The following RAC1 variants were observed in gnomAD, a reference collection of about 807,000 sequenced individuals.
RAC1 encodes the protein Rac family small GTPase 1.
RAC1 carries 2 observed loss-of-function variants against 25.2 expected under a neutral mutation model. The ratio of observed to expected loss-of-function variants is 0.08; its 90% CI spans 0.03 to 0.25. The LOEUF is 0.25. Ranked by LOEUF, RAC1 falls within the 10% of genes least tolerant of loss-of-function variation. The probability of loss-of-function intolerance (pLI) is 1.00; values close to 1 mark genes in which losing one functional copy is unlikely to be tolerated. For synonymous variants in RAC1, 88 were observed against 94.0 expected, an observed-to-expected ratio of 0.94 and a Z score of 0.37; for missense variants, 50 against 235.7, an observed-to-expected ratio of 0.21 and a Z score of 5.16.
Position 6,394,929 on chromosome 7 carries a change from A to T in RAC1, c.225+2888A>T, listed in dbSNP as rs185821478. Among the ~76,000 whole-genome samples, 1,400 of 152,184 alleles carry T rather than the reference A, an allele frequency of 9.2e-3. 9 individuals are homozygous for T. The highest frequency in any genetic ancestry group is 0.016 in the Non-Finnish European group (1,056 of 67,998). On this transcript the variant is annotated intron_variant, in intron 3 of 5. Coordinates refer to ENST00000348035, the MANE Select transcript of RAC1 (RefSeq NM_006908.5). Reference sequence around the variant, plus strand: ...GAGTGCAATGGTGCGATCTTGGCTCACTGCAAGCTTCACCTCCTGGGTTCA... The same window carrying T: ...GAGTGCAATGGTGCGATCTTGGCTCTCTGCAAGCTTCACCTCCTGGGTTCA...
intron 4 of RAC1, 63 bp downstream of exon 4, chr7:6,400,251 T>G (rs1388741118): frequency 7.0e-7 from 1 of 1,429,910 alleles, no homozygotes; most frequent in Non-Finnish European, 9.8e-7. Flanking sequence ...ATAAATACTT[T>G]AAAATATCAC....
intron 1 of RAC1, among the ~76,000 whole-genome samples, chr7:6,375,590 C>G (rs1782559845): frequency 6.6e-6 from 1 of 152,066 alleles, no homozygotes; most frequent in African/African-American, 2.4e-5. Context: ...TGTTTTCGCC[C>G]TTTCCGTGGA....
intron 1 of RAC1, among the ~76,000 whole-genome samples, chr7:6,380,567 G>A (rs1030582374): frequency 9.2e-5 from 14 of 152,118 alleles, no homozygotes; most frequent in African/African-American, 2.7e-4. Context: ...CCATCACTAC[G>A]TAGCTCTTAA....
chr7:6,398,676 C>CT, intron 3 of RAC1: 2 of 1,613,806 alleles, frequency 1.2e-6, no homozygotes, highest in Non-Finnish European at 1.7e-6. Flanking sequence ...GAGAAACGTA[C>CT]GGTAAGGATA....
At chr7:6,378,322 G>A (rs1401632779) in intron 1 of RAC1, among the ~76,000 whole-genome samples, 2 of 152,134 alleles carry the variant, frequency 1.3e-5, no homozygotes, top group Non-Finnish European at 2.9e-5. Context: ...GAGGCAGGCG[G>A]ATCACCTGAG....
chr7:6,375,477 C>G (rs918999472), intron 1 of RAC1, among the ~76,000 whole-genome samples: 5 of 152,132 alleles, frequency 3.3e-5, no homozygotes, highest in African/African-American at 1.2e-4. Flanking sequence ...TCTCCTGCCT[C>G]TCAGCCTCCA....
intron 3 of RAC1, 97 bp from the exon 4 acceptor site, chr7:6,400,029 C>A: frequency 9.2e-7 from 1 of 1,090,132 alleles, no homozygotes; most frequent in Middle Eastern, 2.0e-4. Context: ...ACACGCTCTG[C>A]GTCCAACAAG....
At chr7:6,400,724 G>A (rs1214748804) in intron 4 of RAC1, among the ~76,000 whole-genome samples, 1 of 151,992 alleles carries the variant, frequency 6.6e-6, no homozygotes, top group Non-Finnish European at 1.5e-5. Flanking sequence ...TGCCCAGGCT[G>A]GAGTGCAGTG....
At chr7:6,386,698 C>T (rs1286737067) in intron 1 of RAC1, among the ~76,000 whole-genome samples, 8 of 150,450 alleles carry the variant, frequency 5.3e-5, no homozygotes, top group African/African-American at 7.3e-5. Context: ...GCAGGAGAAT[C>T]GCTTGAACCT....
At chr7:6,401,589 C>G in intron 4 of RAC1, 1 of 245,364 alleles carries the variant, frequency 4.1e-6, no homozygotes, top group Non-Finnish European at 7.8e-6. Flanking sequence ...CCTTTTGTTT[C>G]TCTTCCCTTC....
intron 4 of RAC1, 105 bp from the exon 5 acceptor site, chr7:6,401,763 C>A: frequency 7.9e-7 from 1 of 1,264,286 alleles, no homozygotes; most frequent in Non-Finnish European, 1.1e-6. Context: ...GGAGGCCTTG[C>A]CTGAGGTTAG....
intron 1 of RAC1, among the ~76,000 whole-genome samples, chr7:6,382,580 TTGGC>T (rs1285245172): frequency 3.9e-5 from 6 of 152,320 alleles, no homozygotes; most frequent in Middle Eastern, 6.8e-3. Flanking sequence ...AAAAGTTCTC[TTGGC>T]TGGGCGTGGT....
rs554489129 is a variant in RAC1, at chr7:6,381,333, G to T, written c.36-5879G>T. 2.5e-4 allele frequency among the ~76,000 whole-genome samples: 38 copies of T among 151,746 alleles called. No homozygotes were observed. In the Middle Eastern group the frequency reaches 0.014, roughly 56 times the overall value. ...TGTACATAGTGTCTTCAGCCTAAGT[G>T]AGAAACTTTATGCACTATCTTAATT... On this transcript the variant is annotated intron_variant, in intron 1 of 5. Coordinates refer to ENST00000348035, the MANE Select transcript of RAC1 (RefSeq NM_006908.5).
chr7:6,388,376 C>T (rs1430172876), intron 2 of RAC1, among the ~76,000 whole-genome samples: 7 of 115,672 alleles, frequency 6.1e-5, no homozygotes, highest in Non-Finnish European at 1.1e-4. Context: ...GAGTTAGTCT[C>T]TCTCTCTTGC....
chr7:6,390,835 C>T (rs112081945), intron 2 of RAC1, among the ~76,000 whole-genome samples: 291 of 152,162 alleles, frequency 1.9e-3, no homozygotes, highest in Middle Eastern at 3.4e-3. Context: ...ACTATTTATC[C>T]AATAATTTTT....
intron 1 of RAC1, among the ~76,000 whole-genome samples, chr7:6,376,093 G>A (rs1270912649): frequency 6.7e-6 from 1 of 149,726 alleles, no homozygotes; most frequent in Non-Finnish European, 1.5e-5. Flanking sequence ...AGGATAATTA[G>A]ACAGCTGATT....
intron 4 of RAC1, 159 bp from the exon 5 acceptor site, chr7:6,401,709 T>C (rs1783408154): frequency 7.7e-6 from 5 of 651,220 alleles, no homozygotes; most frequent in African/African-American, 7.3e-5. Flanking sequence ...TCCTTATGGC[T>C]CAAGGCTTGA....
At chr7:6,377,569 C>G (rs549363152) in intron 1 of RAC1, among the ~76,000 whole-genome samples, 83 of 150,876 alleles carry the variant, frequency 5.5e-4, no homozygotes, top group African/African-American at 2.0e-3. Context: ...CACTCCAGCC[C>G]GTGCGACAGA....
At chr7:6,395,096 CG>C (rs1339475292) in intron 3 of RAC1, among the ~76,000 whole-genome samples, 2 of 152,100 alleles carry the variant, frequency 1.3e-5, no homozygotes, top group Non-Finnish European at 2.9e-5. Flanking sequence ...GCTTGTGATC[CG>C]CCCGCCTTGG....
Sources: allele counts gnomAD v4.1 joint callset (sites outside exome capture counted in the v4.1 genomes callset), GRCh38; gene constraint gnomAD v4.1.1; transcripts MANE v1.5; gene names NCBI Gene and HGNC (gene_info 2026-07-23, HGNC 2026-07-21).